Variants in MINAR1 observed in about 807,000 individuals in gnomAD.
The protein encoded by MINAR1 is major intrinsically disordered Notch2-binding receptor 1.
Under a neutral mutation model 65.1 loss-of-function variants are expected in MINAR1, and 40 were observed. The observed-to-expected ratio is 0.61, with a 90% CI of 0.48 to 0.80. The LOEUF is 0.80. Ranked by LOEUF, MINAR1 falls within the 30% of genes least tolerant of loss-of-function variation. The pLI is 0.00. For missense variants in MINAR1, 1,128 were observed against 1,148.0 expected (o/e 0.98, Z 0.25); for synonymous variants, 482 against 449.1 (o/e 1.07, Z -0.93).
rs569472985 is a variant in MINAR1, at chr15:79,470,540, C to T, written c.*2156C>T. On this transcript the variant is annotated 3_prime_UTR_variant, in exon 4 of 4. Coordinates refer to ENST00000305428, the MANE Select transcript of MINAR1 (RefSeq NM_015206.3). ...TCGAGGCTGGACCAAACCACTTTTT[C>T]CACTGCCCTTGGTGAATCTATTCCT... 8 of 151,150 alleles carry T rather than the reference C, an allele frequency of 5.3e-5. No individual in the cohort carries two copies. The highest frequency in any genetic ancestry group is 2.0e-4 in the African/African-American group (8 of 40,438). 9.4% of individuals were successfully genotyped at this position (151,150 alleles called of 1,614,324 possible).
chr15:79,453,569 A>G lies in MINAR1; in HGVS notation c.-50-2529A>G, dbSNP rs569558574. Among the ~76,000 whole-genome samples the G allele has an allele frequency of 1.3e-3, 194 of 152,104 alleles. 1 individual carries two copies. Among genetic ancestry groups the G allele is most frequent in the African/African-American group, 4.1e-3 (170 of 41,494 alleles). On this transcript the variant is annotated intron_variant, in intron 1 of 3. Transcript: ENST00000305428. ...ACAGAGCCCGGAAACAGATTTTTCAATCCATCTCTGCTCTTGCTCTTCTTC... is the reference window on the plus strand; with the variant it reads ...ACAGAGCCCGGAAACAGATTTTTCAGTCCATCTCTGCTCTTGCTCTTCTTC...
At chr15:79,442,980 C>A (rs1231499930) in intron 1 of MINAR1, among the ~76,000 whole-genome samples, 1 of 152,136 alleles carries the variant, frequency 6.6e-6, no homozygotes, top group Non-Finnish European at 1.5e-5. Context: ...ACCTGCTACT[C>A]CCTGCATTGG....
In MINAR1 at chr15:79,471,729, A is replaced by G. The variant is rs549507803; in HGVS notation, c.*3345A>G. On this transcript the variant is annotated 3_prime_UTR_variant, in exon 4 of 4. Transcript: ENST00000305428. ...TGTTGTTGTTGTTTTTTTTTTTGAA[A>G]TAGAAAAAAACAGAAGAAGCTCTGC... is the stretch of plus-strand genomic sequence containing the variant. 6.6e-6 allele frequency: 1 copy of G among 152,316 alleles called. No homozygotes were observed. The highest frequency in any genetic ancestry group is 2.1e-4 in the South Asian group (1 of 4,816). The allele number at this position is 152,316 out of a possible 1,614,324, so 9.4% of individuals were successfully genotyped here. A position where few individuals can be genotyped will look rare whatever the true frequency, so the allele number is the denominator to read the frequency against.
the MINAR1 span, chr15:79,415,497 A>G: frequency 6.6e-6 from 1 of 152,284 alleles, no homozygotes; most frequent in East Asian, 1.9e-4. Flanking sequence ...TCAGGAGGGT[A>G]TTATTATTTT....
intron 1 of MINAR1, among the ~76,000 whole-genome samples, chr15:79,441,631 A>G (rs776890672): frequency 6.6e-6 from 1 of 152,080 alleles, no homozygotes; most frequent in Non-Finnish European, 1.5e-5. Context: ...TTCAAGTTTT[A>G]TTGTTGATTA....
chr15:79,411,717 A>AC, the MINAR1 span: 5 of 512,116 alleles, frequency 9.8e-6, no homozygotes, highest in Non-Finnish European at 1.8e-5. Context: ...CTCCTTGACC[A>AC]CCACAGACAC....
Position 79,470,163 on chromosome 15 carries a change from T to TATA in MINAR1, c.*1782_*1784dup, listed in dbSNP as rs1896026827. On this transcript the variant is annotated 3_prime_UTR_variant, in exon 4 of 4. Transcript: ENST00000305428. ...GCCTTAGTATGAAAAACTGAGGATT[T>TATA]ATAATTGAAAATGAAAAAAATATGT... 6.6e-6 allele frequency: 1 copy of TATA among 152,610 alleles called. No individual in the cohort carries two copies. Among genetic ancestry groups the TATA allele is most frequent in the South Asian group, 2.1e-4 (1 of 4,830 alleles). 9.5% of individuals were successfully genotyped at this position (152,610 alleles called of 1,614,324 possible).
intron 1 of MINAR1, among the ~76,000 whole-genome samples, chr15:79,453,558 C>T (rs1243274163): frequency 1.3e-5 from 2 of 152,128 alleles, no homozygotes; most frequent in Non-Finnish European, 2.9e-5. Flanking sequence ...AGCCCGGAAA[C>T]AGATTTTTCA....
chr15:79,469,941 C>T lies in MINAR1; in HGVS notation c.*1557C>T, dbSNP rs1361764398. 6.6e-6 allele frequency: 1 copy of T among 152,554 alleles called. No homozygotes were observed. The highest frequency in any genetic ancestry group is 6.6e-5 in the Admixed American group (1 of 15,264). 9.5% of individuals were successfully genotyped at this position (152,554 alleles called of 1,614,324 possible). A position where few individuals can be genotyped will look rare whatever the true frequency, so the allele number is the denominator to read the frequency against. On this transcript the variant is annotated 3_prime_UTR_variant, in exon 4 of 4. Transcript: ENST00000305428. The stretch of plus-strand genomic sequence containing the variant: ...GAGTCTAGCATCCATTCTGAAAAAT[C>T]GCAAATAATGCTTAGCTTGCTGTGT...
At chr15:79,411,481 C>T in the MINAR1 span, 1 of 702,496 alleles carries the variant, frequency 1.4e-6, no homozygotes, top group Admixed American at 2.0e-5. Context: ...CACCGAGGGA[C>T]TGGGACGACT....
At chr15:79,439,623 C>T (rs1405904050) in intron 1 of MINAR1, among the ~76,000 whole-genome samples, 1 of 151,752 alleles carries the variant, frequency 6.6e-6, no homozygotes, top group Non-Finnish European at 1.5e-5. Flanking sequence ...CCAATGACAT[C>T]GGAGCGCTGA....
At chr15:79,434,873 G>A (rs1894550460) in intron 1 of MINAR1, among the ~76,000 whole-genome samples, 1 of 146,528 alleles carries the variant, frequency 6.8e-6, no homozygotes, top group African/African-American at 2.7e-5. Flanking sequence ...ATGCATGCTT[G>A]TTTTCACATG....
intron 1 of MINAR1, among the ~76,000 whole-genome samples, chr15:79,454,737 TAAAAA>T (rs56143323): frequency 6.6e-6 from 1 of 151,434 alleles, no homozygotes. Flanking sequence ...AGATGGGAAA[TAAAAA>T]AAAACCTATA....
At chr15:79,462,132 A>T (rs374145310) in intron 2 of MINAR1, among the ~76,000 whole-genome samples, 2 of 152,090 alleles carry the variant, frequency 1.3e-5, no homozygotes, top group African/African-American at 4.8e-5. Flanking sequence ...ATGAATATTC[A>T]TGGAGTGTCT....
chr15:79,468,119 C>A lies in MINAR1; in HGVS notation c.2554-68C>A, dbSNP rs1895940076. On this transcript the variant is annotated intron_variant, in intron 3 of 3. Transcript: ENST00000305428. ...AACTTAAGTGCTTCAGGAGTGATGA[C>A]TGTCGGGACGTCTTTGACCTGATTT... 4.9e-5 allele frequency: 63 copies of A among 1,295,164 alleles called. No individual in the cohort carries two copies. In the South Asian group the frequency reaches 7.8e-4, roughly 16 times the overall value. 80.2% of individuals were successfully genotyped at this position (1,295,164 alleles called of 1,614,324 possible). A position where few individuals can be genotyped will look rare whatever the true frequency, so the allele number is the denominator to read the frequency against.
chr15:79,418,415 T>G, the MINAR1 span: 1 of 152,248 alleles, frequency 6.6e-6, no homozygotes, highest in Non-Finnish European at 1.5e-5. Context: ...TTTAGTGGCA[T>G]TAGCATGGTT....
At chr15:79,453,911 A>G (rs371496252) in intron 1 of MINAR1, among the ~76,000 whole-genome samples, 2 of 152,212 alleles carry the variant, frequency 1.3e-5, no homozygotes, top group South Asian at 4.1e-4. Flanking sequence ...TGGGAGGTGC[A>G]TGGTAGGACA....
chr15:79,442,010 G>A (rs2141280978), intron 1 of MINAR1, among the ~76,000 whole-genome samples: 1 of 148,742 alleles, frequency 6.7e-6, no homozygotes, highest in South Asian at 2.1e-4. Flanking sequence ...TCAATGAAAT[G>A]CAAGAATTTT....
In MINAR1 at chr15:79,445,186, A is replaced by T. The variant is rs187592130; in HGVS notation, c.-50-10912A>T. On this transcript the variant is annotated intron_variant, in intron 1 of 3. Transcript: ENST00000305428. ...ATATCTTTATTATTTATGTTAATAT[A>T]ATAATAATGTTATAGCTCACACTTA... Among the ~76,000 whole-genome samples the T allele has an allele frequency of 2.2e-3, 325 of 150,386 alleles. 1 individual carries two copies. The highest frequency in any genetic ancestry group is 3.5e-3 in the Non-Finnish European group (238 of 67,916).
Sources: gnomAD v4.1 joint callset for allele counts (sites outside exome capture counted in the v4.1 genomes callset) on GRCh38, gnomAD v4.1.1 for gene constraint, MANE v1.5 for transcripts, NCBI Gene and HGNC (gene_info 2026-07-23, HGNC 2026-07-21) for gene names.